Variants in SOX11 observed in about 807,000 individuals in gnomAD.
SOX11 encodes SRY-box transcription factor 11.
In SOX11, 5 loss-of-function variants were observed where a neutral mutation model predicts 16.7. The observed-to-expected ratio is 0.30, with a 90% CI of 0.16 to 0.63. The LOEUF is 0.63. SOX11 is among the 20% of genes least tolerant of loss of function. The probability of loss-of-function intolerance (pLI) is 0.82; values close to 1 mark genes in which losing one functional copy is unlikely to be tolerated. For synonymous variants in SOX11, 363 were observed against 298.8 expected (o/e 1.21, Z -2.22); for missense variants, 492 against 641.5 (o/e 0.77, Z 2.52).
At position 5,694,386 on chromosome 2, in the gene SOX11, A is replaced by G; in HGVS notation, c.*339A>G. ...TGGAGTTGTGATTATTTTCCCAAAA[A>G]ATGTGTTTTTGTAATTACTATTTCT... On this transcript the variant is annotated 3_prime_UTR_variant, in exon 1 of 1. Transcript: ENST00000322002. 2 of 269,312 alleles carry G rather than the reference A, an allele frequency of 7.4e-6. No individual in the cohort carries two copies. Among genetic ancestry groups the G allele is most frequent in the South Asian group, 1.8e-4 (1 of 5,642 alleles). 16.7% of individuals were successfully genotyped at this position (269,312 alleles called of 1,614,324 possible). A position where few individuals can be genotyped will look rare whatever the true frequency, so the allele number is the denominator to read the frequency against.
Position 5,698,104 on chromosome 2 carries a change from A to T in SOX11, c.*4057A>T, listed in dbSNP as rs1665773952. The T allele has an allele frequency of 6.0e-6, 1 of 167,040 alleles. No homozygotes were observed. The highest frequency in any genetic ancestry group is 2.4e-5 in the African/African-American group (1 of 41,454). 10.3% of individuals were successfully genotyped at this position (167,040 alleles called of 1,614,324 possible). On this transcript the variant is annotated 3_prime_UTR_variant, in exon 1 of 1. Transcript: ENST00000322002. ...AATTGTTTGGCAATCTAAATTTAAA[A>T]CCTGTTAGAACTCAGGACAGGCGCT...
Position 5,700,744 on chromosome 2 carries a change from A to G in SOX11, c.*6697A>G, listed in dbSNP as rs1290300894. The G allele has an allele frequency of 6.0e-6, 1 of 166,976 alleles. No homozygotes were observed. The highest frequency in any genetic ancestry group is 1.5e-5 in the Non-Finnish European group (1 of 68,112). The allele number at this position is 166,976 out of a possible 1,614,324, so 10.3% of individuals were successfully genotyped here. On this transcript the variant is annotated 3_prime_UTR_variant, in exon 1 of 1. Transcript: ENST00000322002. ...GGACTCCTAGTGGTTATGGCATCCC[A>G]TAATGCTTCGTGACGGCCACCAGGA...
rs763184324 is a variant in SOX11 at position 5,693,468 on chromosome 2, A to G, written c.747A>G (p.Glu249=). Residue 249 remains glutamate (E), a synonymous_variant, in exon 1 of 1, where the codon GAA becomes GAG. Coordinates refer to ENST00000322002, the MANE Select transcript of SOX11 (RefSeq NM_003108.4). The surrounding 1 kb of genome is among the most constrained non-coding windows in gnomAD (Gnocchi z 8.6). ...AGGAGCCGGACGAGGAGGACGAGGA[A>G]CCACCGCACCAGCAGCTCCTGCAGC... is the stretch of plus-strand genomic sequence containing the variant. The part of the protein sequence containing the change: ...IKQEPDEEDE[E]PPHQQLLQPP... The G allele has an allele frequency of 3.8e-6, 6 of 1,587,694 alleles. No homozygotes were observed. Among genetic ancestry groups the G allele is most frequent in the Non-Finnish European group, 5.1e-6 (6 of 1,174,990 alleles).
Position 5,693,960 on chromosome 2 carries a change from C to T in SOX11, c.1239C>T (p.Phe413=), listed in dbSNP as rs1472789802. Residue 413 remains phenylalanine, a synonymous_variant, in exon 1 of 1, where the codon TTC becomes TTT. Coordinates refer to ENST00000322002, the MANE Select transcript of SOX11 (RefSeq NM_003108.4). This position sits in a 1 kb window ranked among gnomAD's most constrained non-coding sequence, Gnocchi z 8.6. ...GCAGCCTGGGCTCCCACTTCGAGTTCCCCGACTACTGCACGCCGGAGCTGA... is the reference window on the plus strand; with the variant it reads ...GCAGCCTGGGCTCCCACTTCGAGTTTCCCGACTACTGCACGCCGGAGCTGA... ...SEGSLGSHFE[F]PDYCTPELSE... 2.0e-5 allele frequency: 31 copies of T among 1,551,608 alleles called. No homozygotes were observed. The highest frequency in any genetic ancestry group is 2.7e-5 in the Non-Finnish European group (31 of 1,147,008).
chr2:5,696,489 T>C lies in SOX11; in HGVS notation c.*2442T>C, dbSNP rs1665731082. 1 of 155,098 alleles carries C rather than the reference T, an allele frequency of 6.4e-6. No homozygotes were observed. The highest frequency in any genetic ancestry group is 1.5e-5 in the Non-Finnish European group (1 of 68,112). The allele number at this position is 155,098 out of a possible 1,614,324, so 9.6% of individuals were successfully genotyped here. ...TGGCATGGCCTCTGTGCGATCCGAG[T>C]CGCGGTCTCCGGGGTGCCTGGGAGG... On this transcript the variant is annotated 3_prime_UTR_variant, in exon 1 of 1. Coordinates refer to ENST00000322002, the MANE Select transcript of SOX11 (RefSeq NM_003108.4).
rs764240804 is a variant in SOX11, at chr2:5,692,677, G to A, written c.-45G>A. On this transcript the variant is annotated 5_prime_UTR_variant, in exon 1 of 1. Transcript: ENST00000322002. ...GGGAGGGGGAGGGGGACCTCCGCAC[G>A]AGACCCAGCGGCCCGGGTTGGAGCG... is the stretch of plus-strand genomic sequence containing the variant. 1 of 1,492,644 alleles carries A rather than the reference G, an allele frequency of 6.7e-7. No homozygotes were observed. Among genetic ancestry groups the A allele is most frequent in the Admixed American group, 2.1e-5 (1 of 46,528 alleles). 92.5% of individuals were successfully genotyped at this position (1,492,644 alleles called of 1,614,324 possible). A position where few individuals can be genotyped will look rare whatever the true frequency, so the allele number is the denominator to read the frequency against.
At position 5,693,773 on chromosome 2, in the gene SOX11, G is replaced by T; in HGVS notation, c.1052G>T (p.Ser351Ile). The T allele has an allele frequency of 6.4e-7, 1 of 1,570,268 alleles. No homozygotes were observed. The highest frequency in any genetic ancestry group is 8.6e-7 in the Non-Finnish European group (1 of 1,159,384). Residue 351 changes from serine (S) to isoleucine (I), a missense_variant, in exon 1 of 1, where the codon AGC becomes ATC. This residue lies in a region of SOX11 where 389 missense variants were observed against 389.0 expected (regional missense o/e 1.00). Transcript: ENST00000322002. The surrounding 1 kb of genome is among the most constrained non-coding windows in gnomAD (Gnocchi z 8.6). The stretch of plus-strand genomic sequence containing the variant: ...TCGTCCAGCAGCAGCGGCAGCAGCA[G>T]CGGCAGCAGCGGCGAGGACGCCGAC... ...TSSSSSSGSS[S>I]GSSGEDADDL...
chr2:5,699,503 T>G lies in SOX11; in HGVS notation c.*5456T>G, dbSNP rs1478535717. 6.0e-6 allele frequency: 1 copy of G among 166,940 alleles called. No individual in the cohort carries two copies. Among genetic ancestry groups the G allele is most frequent in the Non-Finnish European group, 1.5e-5 (1 of 68,120 alleles). 10.3% of individuals were successfully genotyped at this position (166,940 alleles called of 1,614,324 possible). ...TTTGGCTTATTTTTATTATTGGTTA[T>G]TTCTCACTGTTCATTCTATTTGATT... On this transcript the variant is annotated 3_prime_UTR_variant, in exon 1 of 1. Coordinates refer to ENST00000322002, the MANE Select transcript of SOX11 (RefSeq NM_003108.4).
rs1357261487 is a variant in SOX11 at position 5,696,803 on chromosome 2, GGCCCTCACCAC to G, written c.*2763_*2773del. The stretch of plus-strand genomic sequence containing the variant: ...GCGGCTGCCGCACCCGCGCACCCCG[GGCCCTCACCAC>G]GCCCTCCCCGCGCGCCGGCTCAGGG... On this transcript the variant is annotated 3_prime_UTR_variant, in exon 1 of 1. Coordinates refer to ENST00000322002, the MANE Select transcript of SOX11 (RefSeq NM_003108.4). 2.6e-5 allele frequency: 4 copies of G among 154,106 alleles called. No homozygotes were observed. Among genetic ancestry groups the G allele is most frequent in the African/African-American group, 9.7e-5 (4 of 41,378 alleles). 9.5% of individuals were successfully genotyped at this position (154,106 alleles called of 1,614,324 possible).
rs1013249935 is a variant in SOX11, at chr2:5,694,079, G to A, written c.*32G>A. 1.3e-6 allele frequency: 2 copies of A among 1,536,716 alleles called. No homozygotes were observed. The highest frequency in any genetic ancestry group is 2.8e-5 in the African/African-American group (2 of 72,716). ...CCCGCTGCTCGCTCTTTCTCTCGGA[G>A]GGTGCAGAGCTGGGTTCCTTGGGAG... On this transcript the variant is annotated 3_prime_UTR_variant, in exon 1 of 1. Transcript: ENST00000322002.
rs904196493 is a variant in SOX11, at chr2:5,701,254, A to ACCC, written c.*7212_*7214dup. 1 of 166,002 alleles carries ACCC rather than the reference A, an allele frequency of 6.0e-6. No individual in the cohort carries two copies. Among genetic ancestry groups the ACCC allele is most frequent in the African/African-American group, 2.4e-5 (1 of 41,028 alleles). 10.3% of individuals were successfully genotyped at this position (166,002 alleles called of 1,614,324 possible). A position where few individuals can be genotyped will look rare whatever the true frequency, so the allele number is the denominator to read the frequency against. On this transcript the variant is annotated 3_prime_UTR_variant, in exon 1 of 1. Transcript: ENST00000322002. Reference sequence around the variant, plus strand: ...TTCGATCTAACCAGCTTCTTGACCCACCCCCCCTTGGTATGCAGTGTTAAT... The same window carrying ACCC: ...TTCGATCTAACCAGCTTCTTGACCCACCCCCCCCCCTTGGTATGCAGTGTTAAT...
In SOX11 at chr2:5,696,722, G is replaced by A. The variant is rs1270475354; in HGVS notation, c.*2675G>A. 2.0e-5 allele frequency: 3 copies of A among 151,946 alleles called. No homozygotes were observed. Among genetic ancestry groups the A allele is most frequent in the African/African-American group, 7.2e-5 (3 of 41,416 alleles). 9.4% of individuals were successfully genotyped at this position (151,946 alleles called of 1,614,324 possible). ...GCTGGCTTCCCGGGCCCGCGGGCCG[G>A]GGAGGGAAGCCTCGGGGCTGCGGGG... On this transcript the variant is annotated 3_prime_UTR_variant, in exon 1 of 1. Transcript: ENST00000322002.
chr2:5,693,449 CGGACGAGGA>C lies in SOX11; in HGVS notation c.738_746del (p.Asp247_Glu249del), dbSNP rs1228338728. 5.7e-6 allele frequency: 9 copies of C among 1,590,720 alleles called. No homozygotes were observed. The highest frequency in any genetic ancestry group is 7.6e-6 in the Non-Finnish European group (9 of 1,176,614). ...CTGCAGCTGCAGATCAAACAGGAGC[CGGACGAGGA>C]GGACGAGGAACCACCGCACCAGCAG... On this transcript the variant is annotated inframe_deletion, in exon 1 of 1. Coordinates refer to ENST00000322002, the MANE Select transcript of SOX11 (RefSeq NM_003108.4). The surrounding 1 kb of genome is among the most constrained non-coding windows in gnomAD (Gnocchi z 8.6).
chr2:5,699,196 TG>T lies in SOX11; in HGVS notation c.*5150del, dbSNP rs1345034831. On this transcript the variant is annotated 3_prime_UTR_variant, in exon 1 of 1. Coordinates refer to ENST00000322002, the MANE Select transcript of SOX11 (RefSeq NM_003108.4). The stretch of plus-strand genomic sequence containing the variant: ...CAAATATATTTGTGCTTTTTTCTTA[TG>T]TAGGAAGACCAGCGAAAATAGTTTA... 6.0e-6 allele frequency: 1 copy of T among 166,942 alleles called. No individual in the cohort carries two copies. Among genetic ancestry groups the T allele is most frequent in the Non-Finnish European group, 1.5e-5 (1 of 68,106 alleles). 10.3% of individuals were successfully genotyped at this position (166,942 alleles called of 1,614,324 possible). A position where few individuals can be genotyped will look rare whatever the true frequency, so the allele number is the denominator to read the frequency against.
In SOX11 at chr2:5,692,619, G is replaced by A; in HGVS notation, c.-103G>A. 1 of 866,774 alleles carries A rather than the reference G, an allele frequency of 1.2e-6. No individual in the cohort carries two copies. The highest frequency in any genetic ancestry group is 1.7e-6 in the Non-Finnish European group (1 of 586,582). The allele number at this position is 866,774 out of a possible 1,614,324, so 53.7% of individuals were successfully genotyped here. A position where few individuals can be genotyped will look rare whatever the true frequency, so the allele number is the denominator to read the frequency against. On this transcript the variant is annotated 5_prime_UTR_variant, in exon 1 of 1. Coordinates refer to ENST00000322002, the MANE Select transcript of SOX11 (RefSeq NM_003108.4). ...GGAGCCGCGAAAGCGGGGTGCCGAG[G>A]ACTTTGCAACTTGCCCAGGAAGGTG... is the stretch of plus-strand genomic sequence containing the variant.
In SOX11 at chr2:5,694,083, G is replaced by T; in HGVS notation, c.*36G>T. Reference sequence around the variant, plus strand: ...CTGCTCGCTCTTTCTCTCGGAGGGTGCAGAGCTGGGTTCCTTGGGAGGAAG... The same window carrying T: ...CTGCTCGCTCTTTCTCTCGGAGGGTTCAGAGCTGGGTTCCTTGGGAGGAAG... On this transcript the variant is annotated 3_prime_UTR_variant, in exon 1 of 1. Coordinates refer to ENST00000322002, the MANE Select transcript of SOX11 (RefSeq NM_003108.4). The T allele has an allele frequency of 1.3e-6, 2 of 1,523,162 alleles. No homozygotes were observed. The highest frequency in any genetic ancestry group is 1.2e-5 in the South Asian group (1 of 81,248). 94.4% of individuals were successfully genotyped at this position (1,523,162 alleles called of 1,614,324 possible). A position where few individuals can be genotyped will look rare whatever the true frequency, so the allele number is the denominator to read the frequency against.
chr2:5,700,516 A>G lies in SOX11; in HGVS notation c.*6469A>G, dbSNP rs1439406043. The G allele has an allele frequency of 1.8e-5, 3 of 166,816 alleles. No individual in the cohort carries two copies. Among genetic ancestry groups the G allele is most frequent in the Non-Finnish European group, 4.4e-5 (3 of 68,078 alleles). The allele number at this position is 166,816 out of a possible 1,614,324, so 10.3% of individuals were successfully genotyped here. On this transcript the variant is annotated 3_prime_UTR_variant, in exon 1 of 1. Coordinates refer to ENST00000322002, the MANE Select transcript of SOX11 (RefSeq NM_003108.4). ...AGGGCCCTCTGTCACATTTTTCTTC[A>G]TCCAGCTTTTGTTCAAAAACAGTAT...
Position 5,693,853 on chromosome 2 carries a change from G to A in SOX11, c.1132G>A (p.Glu378Lys). 1 of 1,551,310 alleles carries A rather than the reference G, an allele frequency of 6.4e-7. No individual in the cohort carries two copies. The highest frequency in any genetic ancestry group is 8.7e-7 in the Non-Finnish European group (1 of 1,146,956). ...NFSQSAHSAS[E>K]QQLGGGAAAG... ...CTCTCAAAGCGCGCACAGCGCCAGC[G>A]AGCAGCAGCTGGGGGGCGGCGCGGC... The change falls in exon 1 of 1, where the codon GAG becomes AAG. Residue 378 changes from glutamate (E) to lysine (K), a missense_variant. This residue lies in a region of SOX11 where 389 missense variants were observed against 389.0 expected (regional missense o/e 1.00). Coordinates refer to ENST00000322002, the MANE Select transcript of SOX11 (RefSeq NM_003108.4). The surrounding 1 kb of genome is among the most constrained non-coding windows in gnomAD (Gnocchi z 8.6).
In SOX11 at chr2:5,694,217, G is replaced by T. The variant is rs1665690226; in HGVS notation, c.*170G>T. The stretch of plus-strand genomic sequence containing the variant: ...AAGATGCTGATGATATTGATAAGAT[G>T]TCGTGACGCAAAGAAATTGGAAAAC... On this transcript the variant is annotated 3_prime_UTR_variant, in exon 1 of 1. Transcript: ENST00000322002. 48 of 854,342 alleles carry T rather than the reference G, an allele frequency of 5.6e-5. No homozygotes were observed. The East Asian group carries it at 1.5e-3, about 26-fold the overall frequency. 52.9% of individuals were successfully genotyped at this position (854,342 alleles called of 1,614,324 possible).
Sources: gnomAD v4.1 joint callset for allele counts on GRCh38, gnomAD v4.1.1 for gene constraint, gnomAD v4.1.1 regional missense constraint, Gnocchi (gnomAD v3.1) non-coding constraint, MANE v1.5 for transcripts, NCBI Gene and HGNC (gene_info 2026-07-23, HGNC 2026-07-21) for gene names.